DYM: variants seen among roughly 807,000 people sequenced by gnomAD.
DYM encodes dymeclin.
DYM carries 78 observed loss-of-function variants against 93.1 expected under a neutral mutation model. The observed-to-expected ratio is 0.84, with a 90% confidence interval of 0.70 to 1.01. DYM has a LOEUF of 1.01. DYM is among the 50% of genes least tolerant of loss of function. The pLI is 0.00. For synonymous variants in DYM, 321 were observed against 319.7 expected, an observed-to-expected ratio of 1.00 and a Z score of -0.04; for missense variants, 789 against 845.0, an observed-to-expected ratio of 0.93 and a Z score of 0.82.
chr18:49,390,289 G>C (rs1213975517), intron 3 of DYM, among the ~76,000 whole-genome samples: 1 of 152,080 alleles, frequency 6.6e-6, no homozygotes, highest in Non-Finnish European at 1.5e-5. Flanking sequence ...CATTAGGCAG[G>C]TGTGGTGCCA....
At chr18:49,092,191 C>A (rs1016678292) in intron 17 of DYM, among the ~76,000 whole-genome samples, 2 of 152,166 alleles carry the variant, frequency 1.3e-5, no homozygotes, top group African/African-American at 4.8e-5. Flanking sequence ...TTAAATAATA[C>A]AAGCCACATT....
rs1392675924 is a variant in DYM, at chr18:49,332,302, A to G, written c.621-296T>C. Among the ~76,000 whole-genome samples the G allele has an allele frequency of 2.0e-5, 3 of 152,136 alleles. No individual in the cohort carries two copies. In the East Asian group the frequency reaches 5.8e-4, roughly 29 times the overall value. ...GGTCTGGTAGAGACAAGGTCTCACT[A>G]TGTTGCCCAGGCTGGTCTCAAACTC... On this transcript the variant is annotated intron_variant, in intron 7 of 17. Transcript: ENST00000675505.
chr18:49,060,809 G>A (rs931630424), intron 17 of DYM, among the ~76,000 whole-genome samples: 3 of 151,750 alleles, frequency 2.0e-5, no homozygotes, highest in Non-Finnish European at 2.9e-5. Context: ...GAGAGAGACC[G>A]TGAAAAGTAC....
chr18:49,074,908 C>T (rs184089023), intron 17 of DYM, among the ~76,000 whole-genome samples: 55 of 152,270 alleles, frequency 3.6e-4, no homozygotes, highest in African/African-American at 1.3e-3. Context: ...AGGAGTTGCA[C>T]AGAAGACAGA....
rs1218741405 is a variant in DYM at position 49,037,059 on chromosome 18, G to A, written c.*6996C>T. On this transcript the variant is annotated 3_prime_UTR_variant, in exon 18 of 18. Coordinates refer to ENST00000675505, the MANE Select transcript of DYM (RefSeq NM_001353214.3). Reference sequence around the variant, plus strand: ...TGGGACTACAGATGCCCACCACCACGCCCAGCTAATTTTTGTATTTTTAGT... The same window carrying A: ...TGGGACTACAGATGCCCACCACCACACCCAGCTAATTTTTGTATTTTTAGT... 6.6e-6 allele frequency among the ~76,000 whole-genome samples: 1 copy of A among 151,952 alleles called. No homozygotes were observed. The highest frequency in any genetic ancestry group is 2.1e-4 in the South Asian group (1 of 4,818).
At chr18:49,292,030 C>G (rs2060143976) in intron 8 of DYM, among the ~76,000 whole-genome samples, 1 of 152,170 alleles carries the variant, frequency 6.6e-6, no homozygotes, top group Non-Finnish European at 1.5e-5. Flanking sequence ...AAAGTTCAAT[C>G]TGCAACAAAA....
At chr18:49,421,808 A>C (rs2073744610) in intron 2 of DYM, among the ~76,000 whole-genome samples, 1 of 152,254 alleles carries the variant, frequency 6.6e-6, no homozygotes, top group African/African-American at 2.4e-5. Context: ...AGAAGCCCTT[A>C]AATGACCTTA....
intron 6 of DYM, among the ~76,000 whole-genome samples, chr18:49,338,736 C>A (rs1009849231): frequency 4.6e-5 from 7 of 152,118 alleles, no homozygotes; most frequent in African/African-American, 1.4e-4. Flanking sequence ...CTACACCTTA[C>A]AACATACTCA....
At chr18:49,379,813 G>A in intron 3 of DYM, 55 bp from the exon 4 acceptor site, 1 of 1,374,754 alleles carries the variant, frequency 7.3e-7, no homozygotes, top group Non-Finnish European at 1.0e-6. Flanking sequence ...AAATCAAAGT[G>A]AGCTTATCAT....
chr18:49,348,276 T>C (rs1177314889), intron 6 of DYM, among the ~76,000 whole-genome samples: 1 of 152,132 alleles, frequency 6.6e-6, no homozygotes, highest in Non-Finnish European at 1.5e-5. Context: ...TTTAGAAATA[T>C]CAATGCATGC....
At chr18:49,431,160 A>G (rs575043906) in intron 1 of DYM, among the ~76,000 whole-genome samples, 5 of 152,228 alleles carry the variant, frequency 3.3e-5, no homozygotes, top group African/African-American at 1.2e-4. Context: ...ACCATGTGCT[A>G]CTTCTACTTA....
chr18:49,274,707 G>A (rs929484971), intron 10 of DYM, among the ~76,000 whole-genome samples: 3 of 152,120 alleles, frequency 2.0e-5, no homozygotes, highest in South Asian at 4.1e-4. Context: ...CTGTGATTTT[G>A]ATTTACACTT....
At chr18:49,135,635 T>A (rs890408844) in intron 15 of DYM, among the ~76,000 whole-genome samples, 13 of 152,210 alleles carry the variant, frequency 8.5e-5, no homozygotes, top group African/African-American at 2.4e-4. Flanking sequence ...ATAAGAAGGC[T>A]ATCAGGCACT....
intron 6 of DYM, among the ~76,000 whole-genome samples, chr18:49,351,242 T>C (rs1183317044): frequency 1.3e-5 from 2 of 152,000 alleles, no homozygotes; most frequent in African/African-American, 4.8e-5. Context: ...GCCAACATGG[T>C]GAAACCCTGG....
Position 49,037,697 on chromosome 18 carries a change from C to G in DYM, c.*6358G>C, listed in dbSNP as rs1465620521. On this transcript the variant is annotated 3_prime_UTR_variant, in exon 18 of 18. Transcript: ENST00000675505. Reference sequence around the variant, plus strand: ...AATATTTCAAATTTCCATTAAGATTCTGACAGATGGGTTACCTGGAAATCT... The same window carrying G: ...AATATTTCAAATTTCCATTAAGATTGTGACAGATGGGTTACCTGGAAATCT... 6.6e-6 allele frequency among the ~76,000 whole-genome samples: 1 copy of G among 152,138 alleles called. No individual in the cohort carries two copies. The highest frequency in any genetic ancestry group is 1.5e-5 in the Non-Finnish European group (1 of 68,026).
intron 14 of DYM, among the ~76,000 whole-genome samples, chr18:49,174,303 T>C (rs2089129406): frequency 6.6e-6 from 1 of 152,152 alleles, no homozygotes; most frequent in South Asian, 2.1e-4. Context: ...TCTAACCTTT[T>C]ACATTTGTTA....
intron 15 of DYM, among the ~76,000 whole-genome samples, chr18:49,136,445 A>C (rs183112573): frequency 1.3e-3 from 202 of 152,246 alleles, no homozygotes; most frequent in African/African-American, 4.7e-3. Context: ...TAATGAATTT[A>C]GTCTGGGGGG....
At chr18:49,065,440 G>A (rs1452631787) in intron 17 of DYM, among the ~76,000 whole-genome samples, 1 of 152,138 alleles carries the variant, frequency 6.6e-6, no homozygotes, top group Admixed American at 6.5e-5. Context: ...TTGGCTCACC[G>A]CAACCTCCGC....
At chr18:49,311,974 C>G (rs1018929802) in intron 8 of DYM, among the ~76,000 whole-genome samples, 5 of 151,784 alleles carry the variant, frequency 3.3e-5, no homozygotes, top group Non-Finnish European at 5.9e-5. Flanking sequence ...TTGAGAAGTA[C>G]CTACAAACTT....
Sources: gnomAD v4.1 joint callset for allele counts (sites outside exome capture counted in the v4.1 genomes callset) on GRCh38, gnomAD v4.1.1 for gene constraint, MANE v1.5 for transcripts, NCBI Gene and HGNC (gene_info 2026-07-23, HGNC 2026-07-21) for gene names.